TCF4: variants seen among roughly 807,000 people sequenced by gnomAD.
TCF4 encodes transcription factor 4.
A neutral mutation model predicts 82.1 loss-of-function variants in TCF4; 3 were observed. The ratio of observed to expected loss-of-function variants is 0.04; its 90% CI spans 0.02 to 0.09. The LOEUF (loss-of-function observed/expected upper bound fraction) is 0.09, where lower values mean the gene tolerates loss of function less well. Ranked by LOEUF, TCF4 falls within the 10% of genes least tolerant of loss-of-function variation. The pLI is 1.00. For missense variants in TCF4, 518 were observed against 852.7 expected (o/e 0.61, Z 4.89); for synonymous variants, 276 against 309.6 (o/e 0.89, Z 1.14).
At chr18:55,445,450 C>T (rs965793692) in intron 5 of TCF4, among the ~76,000 whole-genome samples, 13 of 152,126 alleles carry the variant, frequency 8.5e-5, no homozygotes, top group Non-Finnish European at 1.5e-4. Flanking sequence ...AGCAAAAGCA[C>T]GTCCTACATG....
chr18:55,350,498 C>T, intron 7 of TCF4, 90 bp from the exon 8 acceptor site: 4 of 1,332,216 alleles, frequency 3.0e-6, no homozygotes, highest in Non-Finnish European at 4.3e-6. Context: ...GATGATACCA[C>T]ATTTCCTTAA....
chr18:55,271,581 G>T (rs911546849), intron 10 of TCF4, among the ~76,000 whole-genome samples: 5 of 152,132 alleles, frequency 3.3e-5, no homozygotes, highest in Admixed American at 3.3e-4. Flanking sequence ...CCGTAAAAAA[G>T]TTGAGATGAT....
chr18:55,274,429 A>G (rs534806527), intron 10 of TCF4, among the ~76,000 whole-genome samples: 1 of 152,280 alleles, frequency 6.6e-6, no homozygotes, highest in Non-Finnish European at 1.5e-5. Flanking sequence ...CTCTACCACT[A>G]GGACCAACTA....
intron 2 of TCF4, among the ~76,000 whole-genome samples, chr18:55,601,768 G>C (rs2097697280): frequency 6.6e-6 from 1 of 152,172 alleles, no homozygotes; most frequent in Admixed American, 6.5e-5. Context: ...TGGGCCATCA[G>C]AGTGAGACTC....
At chr18:55,538,331 G>A (rs1215876643) in intron 3 of TCF4, among the ~76,000 whole-genome samples, 1 of 152,122 alleles carries the variant, frequency 6.6e-6, no homozygotes, top group East Asian at 1.9e-4. Flanking sequence ...TCTTGATCAT[G>A]CTCCTAGACT....
intron 3 of TCF4, among the ~76,000 whole-genome samples, chr18:55,487,704 TA>T (rs571388350): frequency 3.2e-4 from 47 of 147,878 alleles, no homozygotes; most frequent in Admixed American, 2.0e-3. Flanking sequence ...AGGGGATCGA[TA>T]AAAAAAAAAT....
intron 1 of TCF4, among the ~76,000 whole-genome samples, chr18:55,587,433 C>G (rs2097660855): frequency 9.4e-6 from 1 of 106,606 alleles, no homozygotes; most frequent in African/African-American, 3.6e-5. Flanking sequence ...AAAACCAAAT[C>G]AGGGAAAGAA....
intron 3 of TCF4, among the ~76,000 whole-genome samples, chr18:55,516,553 A>T (rs2096883832): frequency 6.6e-6 from 1 of 152,150 alleles, no homozygotes; most frequent in Non-Finnish European, 1.5e-5. Flanking sequence ...GGAGGCCTGG[A>T]TGGAGAAAAA....
chr18:55,446,004 G>A (rs909150207), intron 5 of TCF4, among the ~76,000 whole-genome samples: 2 of 152,168 alleles, frequency 1.3e-5, no homozygotes, highest in African/African-American at 2.4e-5. Context: ...GTAGATGTCT[G>A]CTAGAGGTTT....
chr18:55,378,515 CAATT>C (rs2091291599), intron 6 of TCF4, among the ~76,000 whole-genome samples: 1 of 152,110 alleles, frequency 6.6e-6, no homozygotes, highest in Non-Finnish European at 1.5e-5. Context: ...ATATTAATGT[CAATT>C]AATAGATGAG....
At position 55,446,940 on chromosome 18, in the gene TCF4, C is replaced by G. The variant is rs1363590183; in HGVS notation, c.304+14079G>C. Among the ~76,000 whole-genome samples, 4 of 146,802 alleles carry G rather than the reference C, an allele frequency of 2.7e-5. No homozygotes were observed. The East Asian group carries it at 6.1e-4, about 22-fold the overall frequency. ...GGTGGAGCTAGCAGTGAGCGGAGAT[C>G]GCGCCACTGCATGCTAGCCTGGGGA... On this transcript the variant is annotated intron_variant, in intron 5 of 19. Coordinates refer to ENST00000354452, the MANE Select transcript of TCF4 (RefSeq NM_001083962.2).
chr18:55,600,655 A>G (rs2097695864), intron 2 of TCF4, among the ~76,000 whole-genome samples: 1 of 152,208 alleles, frequency 6.6e-6, no homozygotes, highest in African/African-American at 2.4e-5. Flanking sequence ...AGGCCACAGT[A>G]TACAGGCTTT....
chr18:55,335,152 G>A (rs1215569822), intron 8 of TCF4, among the ~76,000 whole-genome samples: 4 of 152,148 alleles, frequency 2.6e-5, no homozygotes, highest in Non-Finnish European at 4.4e-5. Context: ...AATTTATCCC[G>A]TCGTGTGTAG....
intron 5 of TCF4, among the ~76,000 whole-genome samples, chr18:55,411,856 T>C (rs1569422536): frequency 6.6e-6 from 1 of 152,202 alleles, no homozygotes; most frequent in Non-Finnish European, 1.5e-5. Flanking sequence ...TTCTCCTGCC[T>C]CAGCCTCCCG....
At chr18:55,555,443 C>G (rs1307474198) in intron 3 of TCF4, among the ~76,000 whole-genome samples, 1 of 152,046 alleles carries the variant, frequency 6.6e-6, no homozygotes, top group Non-Finnish European at 1.5e-5. Flanking sequence ...GGGGTCGAAA[C>G]CATAAAATGG....
intron 8 of TCF4, among the ~76,000 whole-genome samples, chr18:55,313,557 A>G (rs886113197): frequency 6.6e-6 from 1 of 152,196 alleles, no homozygotes; most frequent in African/African-American, 2.4e-5. Context: ...CTCAAAATTT[A>G]AAAAAGAAAA....
At chr18:55,230,278 T>C (rs954240942) in intron 17 of TCF4, 1 of 152,198 alleles carries the variant, frequency 6.6e-6, no homozygotes. Flanking sequence ...TGTCCATTTC[T>C]GAGTGTTACA....
intron 8 of TCF4, among the ~76,000 whole-genome samples, chr18:55,337,050 AAC>A (rs2078798403): frequency 6.6e-6 from 1 of 152,288 alleles, no homozygotes; most frequent in African/African-American, 2.4e-5. Context: ...AGAAAACTAT[AAC>A]ACACTTTTAG....
At chr18:55,272,462 C>G (rs141190923) in intron 10 of TCF4, among the ~76,000 whole-genome samples, 1 of 151,992 alleles carries the variant, frequency 6.6e-6, no homozygotes, top group Non-Finnish European at 1.5e-5. Context: ...TGACAAAGTG[C>G]GAGGCTTTAC....
Sources: gnomAD v4.1 joint callset for allele counts (sites outside exome capture counted in the v4.1 genomes callset) on GRCh38, gnomAD v4.1.1 for gene constraint, MANE v1.5 for transcripts, NCBI Gene and HGNC (gene_info 2026-07-23, HGNC 2026-07-21) for gene names.